KHDRBS2: variants seen among roughly 807,000 people sequenced by gnomAD.
KHDRBS2 encodes KH domain-containing, RNA-binding, signal transduction-associated protein 2.
KHDRBS2 carries 26 observed loss-of-function variants against 44.3 expected under a neutral mutation model. The observed-to-expected ratio is 0.59, with a 90% CI of 0.43 to 0.81. The LOEUF is 0.81. Among genes scored for constraint, KHDRBS2 ranks in the 40% least tolerant of loss-of-function variants. The probability of loss-of-function intolerance (pLI) is 0.00; values close to 1 mark genes in which losing one functional copy is unlikely to be tolerated. For missense variants in KHDRBS2, 476 were observed against 433.1 expected, an observed-to-expected ratio of 1.10 and a Z score of -0.88; for synonymous variants, 194 against 151.1, an observed-to-expected ratio of 1.28 and a Z score of -2.08.
At chr6:61,640,122 C>T in the KHDRBS2 span, among the ~76,000 whole-genome samples, 1 of 151,968 alleles carries the variant, frequency 6.6e-6, no homozygotes, top group Admixed American at 6.6e-5. Flanking sequence ...GAGATGCATA[C>T]TGAATAATTT....
chr6:61,721,295 G>A lies in KHDRBS2; in HGVS notation c.893+11387C>T, dbSNP rs1772481789. Among the ~76,000 whole-genome samples the A allele has an allele frequency of 2.6e-5, 4 of 152,214 alleles. No individual in the cohort carries two copies. The South Asian group carries it at 8.3e-4, about 32-fold the overall frequency. ...TTGGTTCCATATGAACTTTAAAGTA[G>A]TTTTTTCCAATTCTGTGAAGAAAGT... On this transcript the variant is annotated intron_variant, in intron 7 of 8. Coordinates refer to ENST00000281156, the MANE Select transcript of KHDRBS2 (RefSeq NM_152688.4).
intron 2 of KHDRBS2, among the ~76,000 whole-genome samples, chr6:62,136,144 A>T (rs1811476496): frequency 6.6e-6 from 1 of 152,190 alleles, no homozygotes. Context: ...TAACCACTTC[A>T]TTGTGCATAT....
chr6:61,912,429 G>T (rs1299087303), intron 4 of KHDRBS2, among the ~76,000 whole-genome samples: 1 of 152,124 alleles, frequency 6.6e-6, no homozygotes, highest in East Asian at 1.9e-4. Flanking sequence ...TGGGCTTCTT[G>T]TCCTCAATTA....
At chr6:61,580,679 G>T in the KHDRBS2 span, among the ~76,000 whole-genome samples, 1 of 151,876 alleles carries the variant, frequency 6.6e-6, no homozygotes, top group African/African-American at 2.4e-5. Context: ...CCACCAGAAG[G>T]AAAAAATAAC....
chr6:62,189,957 T>C (rs1824249129), intron 1 of KHDRBS2, among the ~76,000 whole-genome samples: 1 of 152,106 alleles, frequency 6.6e-6, no homozygotes, highest in African/African-American at 2.4e-5. Context: ...GGTTGGGGGT[T>C]GACATGTAAA....
intron 1 of KHDRBS2, among the ~76,000 whole-genome samples, chr6:62,257,961 T>C (rs1219729169): frequency 6.6e-6 from 1 of 151,970 alleles, no homozygotes; most frequent in Non-Finnish European, 1.5e-5. Flanking sequence ...CCAATAGAAA[T>C]TGAGTATCCC....
intron 6 of KHDRBS2, among the ~76,000 whole-genome samples, chr6:61,771,395 T>C (rs904229358): frequency 1.3e-5 from 2 of 152,092 alleles, no homozygotes; most frequent in Non-Finnish European, 1.5e-5. Context: ...GACTGGCAAA[T>C]TGGATAAAGA....
At chr6:62,165,565 G>A (rs1818514031) in intron 2 of KHDRBS2, among the ~76,000 whole-genome samples, 3 of 151,584 alleles carry the variant, frequency 2.0e-5, no homozygotes, top group Admixed American at 2.0e-4. Context: ...TTCCTGAAAT[G>A]AACTACATTT....
At chr6:62,106,693 A>C (rs1447518992) in intron 2 of KHDRBS2, among the ~76,000 whole-genome samples, 1 of 152,202 alleles carries the variant, frequency 6.6e-6, no homozygotes, top group Non-Finnish European at 1.5e-5. Context: ...AAAATCCTCA[A>C]TAAAATACTG....
intron 6 of KHDRBS2, among the ~76,000 whole-genome samples, chr6:61,798,136 G>A (rs1785681907): frequency 6.6e-6 from 1 of 151,946 alleles, no homozygotes; most frequent in Non-Finnish European, 1.5e-5. Context: ...TTTCTGTTCT[G>A]CGTTAATTTG....
chr6:62,057,627 C>A (rs1168998576), intron 2 of KHDRBS2, among the ~76,000 whole-genome samples: 2 of 151,900 alleles, frequency 1.3e-5, no homozygotes, highest in Admixed American at 1.3e-4. Context: ...CACTACACAC[C>A]AGTGTCTTCA....
At chr6:62,098,715 T>G (rs1034507725) in intron 2 of KHDRBS2, among the ~76,000 whole-genome samples, 3 of 152,180 alleles carry the variant, frequency 2.0e-5, no homozygotes, top group African/African-American at 7.2e-5. Flanking sequence ...CTGTTACAAT[T>G]TTTTGAATAT....
chr6:61,640,523 C>G, the KHDRBS2 span, among the ~76,000 whole-genome samples: 1 of 152,110 alleles, frequency 6.6e-6, no homozygotes, highest in Non-Finnish European at 1.5e-5. Context: ...TTTTGTATAC[C>G]ACACAAGGCT....
chr6:61,752,583 A>C (rs1777855525), intron 6 of KHDRBS2, among the ~76,000 whole-genome samples: 1 of 151,684 alleles, frequency 6.6e-6, no homozygotes, highest in Non-Finnish European at 1.5e-5. Flanking sequence ...TATAGACTTT[A>C]ACAAGCTAAA....
At chr6:61,730,674 G>A (rs1476542344) in intron 7 of KHDRBS2, among the ~76,000 whole-genome samples, 5 of 152,064 alleles carry the variant, frequency 3.3e-5, no homozygotes, top group Non-Finnish European at 5.9e-5. Context: ...GGGCTGGAAG[G>A]ATGGGAAGAA....
chr6:62,202,746 A>T (rs1269122757), intron 1 of KHDRBS2, among the ~76,000 whole-genome samples: 1 of 152,118 alleles, frequency 6.6e-6, no homozygotes, highest in Non-Finnish European at 1.5e-5. Context: ...AAAGAAAAGT[A>T]CATGGTTCTG....
the KHDRBS2 span, among the ~76,000 whole-genome samples, chr6:61,637,698 G>T: frequency 1.1e-4 from 16 of 152,208 alleles, no homozygotes; most frequent in African/African-American, 3.6e-4. Context: ...AGCACCTGTT[G>T]TTTCCTGACT....
chr6:61,956,192 CA>C (rs532891817), intron 4 of KHDRBS2, among the ~76,000 whole-genome samples: 4 of 147,108 alleles, frequency 2.7e-5, no homozygotes, highest in Admixed American at 6.8e-5. Context: ...GACTCCTTGT[CA>C]AAAAAAAACA....
chr6:61,607,849 G>A, the KHDRBS2 span, among the ~76,000 whole-genome samples: 2 of 152,018 alleles, frequency 1.3e-5, no homozygotes, highest in East Asian at 3.9e-4. Context: ...CACCACGCCT[G>A]GCTATTTTTT....
Sources: gnomAD v4.1 joint callset for allele counts (sites outside exome capture counted in the v4.1 genomes callset) on GRCh38, gnomAD v4.1.1 for gene constraint, MANE v1.5 for transcripts, NCBI Gene and HGNC (gene_info 2026-07-23, HGNC 2026-07-21) for gene names.